SPIDR: variants seen among roughly 807,000 people sequenced by gnomAD.
The protein encoded by SPIDR is DNA repair-scaffolding protein.
In SPIDR, 93 loss-of-function variants were observed where a neutral mutation model predicts 104.6. The ratio of observed to expected loss-of-function variants is 0.89; its 90% CI spans 0.75 to 1.06. SPIDR has a LOEUF of 1.06. SPIDR is among the 50% of genes least tolerant of loss of function. The pLI is 0.00. For missense variants in SPIDR, 1,154 were observed against 1,111.2 expected (o/e 1.04, Z -0.55); for synonymous variants, 431 against 416.9 (o/e 1.03, Z -0.41).
chr8:47,262,813 T>G (rs1172514122), intron 1 of SPIDR, among the ~76,000 whole-genome samples: 1 of 152,196 alleles, frequency 6.6e-6, no homozygotes, highest in Non-Finnish European at 1.5e-5. Flanking sequence ...ATTTTTTGTT[T>G]CTGTCTCCCT....
chr8:47,625,771 A>T (rs377586093), intron 10 of SPIDR, among the ~76,000 whole-genome samples: 70 of 152,294 alleles, frequency 4.6e-4, no homozygotes, highest in African/African-American at 1.7e-3. Flanking sequence ...TTCCATGCTC[A>T]TGGGTAGGAA....
chr8:47,701,447 AT>A (rs532122375), intron 12 of SPIDR, among the ~76,000 whole-genome samples: 1 of 152,184 alleles, frequency 6.6e-6, no homozygotes, highest in Non-Finnish European at 1.5e-5. Context: ...CCATTTCTAG[AT>A]TACTTAAGAG....
At chr8:47,667,375 A>G (rs1398552793) in intron 10 of SPIDR, among the ~76,000 whole-genome samples, 1 of 150,102 alleles carries the variant, frequency 6.7e-6, no homozygotes, top group Admixed American at 6.7e-5. Flanking sequence ...AGGCAGAAGG[A>G]TCGCAAGAGG....
chr8:47,290,120 A>T (rs1048607840), intron 3 of SPIDR, among the ~76,000 whole-genome samples: 2 of 151,848 alleles, frequency 1.3e-5, no homozygotes, highest in African/African-American at 4.8e-5. Context: ...GCTCACTGCA[A>T]CCTCTGCCTC....
intron 8 of SPIDR, among the ~76,000 whole-genome samples, chr8:47,466,141 C>T (rs192532397): frequency 2.0e-5 from 3 of 152,254 alleles, no homozygotes; most frequent in Non-Finnish European, 4.4e-5. Context: ...CAAAGATGTT[C>T]AGGACCTAAA....
At chr8:47,372,061 C>A (rs1268355664) in intron 5 of SPIDR, among the ~76,000 whole-genome samples, 1 of 152,122 alleles carries the variant, frequency 6.6e-6, no homozygotes, top group South Asian at 2.1e-4. Context: ...TTTCAAGTCA[C>A]CTCTTCTGGG....
At chr8:47,728,387 A>G (rs1347830835) in intron 17 of SPIDR, among the ~76,000 whole-genome samples, 1 of 152,088 alleles carries the variant, frequency 6.6e-6, no homozygotes, top group Non-Finnish European at 1.5e-5. Context: ...CAGTGAGCCG[A>G]AATCGCACCA....
At chr8:47,585,979 A>T (rs957660592) in intron 8 of SPIDR, among the ~76,000 whole-genome samples, 2 of 152,128 alleles carry the variant, frequency 1.3e-5, no homozygotes, top group Non-Finnish European at 2.9e-5. Context: ...AGCAACCAAA[A>T]TATGCTCTCC....
chr8:47,712,984 A>G, intron 15 of SPIDR, 112 bp downstream of exon 15: 1 of 1,519,764 alleles, frequency 6.6e-7, no homozygotes, highest in Non-Finnish European at 8.8e-7. Flanking sequence ...CGGCACCTTC[A>G]CGGAGCCCAT....
intron 8 of SPIDR, among the ~76,000 whole-genome samples, chr8:47,583,883 A>G (rs1002948054): frequency 6.6e-6 from 1 of 152,138 alleles, no homozygotes; most frequent in Non-Finnish European, 1.5e-5. Context: ...CCGCCCTTGG[A>G]GCATCACATC....
intron 8 of SPIDR, among the ~76,000 whole-genome samples, chr8:47,491,850 TAAAA>T (rs1159695494): frequency 6.6e-6 from 1 of 151,836 alleles, no homozygotes; most frequent in Non-Finnish European, 1.5e-5. Context: ...CCCTGTCTCT[TAAAA>T]AAAAGAAAAA....
intron 3 of SPIDR, among the ~76,000 whole-genome samples, chr8:47,288,123 G>A (rs2039213874): frequency 6.6e-6 from 1 of 152,052 alleles, no homozygotes; most frequent in South Asian, 2.1e-4. Context: ...TAAGTTTCTT[G>A]TAGGTATTTT....
chr8:47,612,433 C>G (rs190378378), intron 10 of SPIDR, among the ~76,000 whole-genome samples: 32 of 152,302 alleles, frequency 2.1e-4, no homozygotes, highest in African/African-American at 7.7e-4. Flanking sequence ...GTACTCAGCT[C>G]ATGGTTGCAT....
At chr8:47,340,586 A>G (rs2050568188) in intron 5 of SPIDR, among the ~76,000 whole-genome samples, 1 of 152,160 alleles carries the variant, frequency 6.6e-6, no homozygotes, top group Admixed American at 6.5e-5. Flanking sequence ...TGGGTGACAG[A>G]GTGAGACCGT....
intron 8 of SPIDR, among the ~76,000 whole-genome samples, chr8:47,504,645 A>G (rs1032003788): frequency 2.0e-5 from 3 of 151,884 alleles, no homozygotes; most frequent in Non-Finnish European, 4.4e-5. Context: ...CGTCAAAGTC[A>G]TTCTCCGTCC....
intron 3 of SPIDR, 50 bp downstream of exon 3, chr8:47,284,144 C>T: frequency 7.0e-7 from 1 of 1,434,352 alleles, no homozygotes; most frequent in Non-Finnish European, 9.6e-7. Context: ...ACTAATAAAT[C>T]CTTCTGTGAT....
chr8:47,731,424 C>T (rs1369648200), intron 19 of SPIDR, among the ~76,000 whole-genome samples: 2 of 152,194 alleles, frequency 1.3e-5, no homozygotes, highest in Admixed American at 6.5e-5. Flanking sequence ...CCCAGTGGTG[C>T]AAAAGGTGAG....
intron 5 of SPIDR, among the ~76,000 whole-genome samples, chr8:47,382,922 G>A (rs1563800489): frequency 2.0e-5 from 3 of 152,240 alleles, no homozygotes; most frequent in East Asian, 3.9e-4. Context: ...TTTTCTTATC[G>A]TTTTGACTGC....
chr8:47,429,263 T>G (rs181633178), intron 7 of SPIDR, among the ~76,000 whole-genome samples: 15 of 152,332 alleles, frequency 9.8e-5, no homozygotes, highest in African/African-American at 3.6e-4. Flanking sequence ...GGGTACTTAA[T>G]ACCATACCAT....
Sources: allele counts gnomAD v4.1 joint callset (sites outside exome capture counted in the v4.1 genomes callset), GRCh38; gene constraint gnomAD v4.1.1; transcripts MANE v1.5; gene names NCBI Gene and HGNC (gene_info 2026-07-23, HGNC 2026-07-21).